Variants in PTPRE observed in about 807,000 individuals in gnomAD.
The protein encoded by PTPRE is receptor-type tyrosine-protein phosphatase epsilon.
A neutral mutation model predicts 102.0 loss-of-function variants in PTPRE; 51 were observed. That is an observed-to-expected ratio of 0.50 (90% CI 0.40 to 0.63). PTPRE has a LOEUF of 0.63. Ranked by LOEUF, PTPRE falls within the 30% of genes least tolerant of loss-of-function variation. The probability of loss-of-function intolerance (pLI) is 0.00; values close to 1 mark genes in which losing one functional copy is unlikely to be tolerated. For synonymous variants in PTPRE, 345 were observed against 348.2 expected (o/e 0.99, Z 0.10); for missense variants, 752 against 915.1 (o/e 0.82, Z 2.30).
chr10:128,061,866 G>A (rs1438490138), intron 9 of PTPRE, 151 bp downstream of exon 9: 19 of 1,028,410 alleles, frequency 1.8e-5, no homozygotes, highest in East Asian at 1.5e-4. Context: ...TTCACACAAC[G>A]GATATGTGTA....
chr10:127,945,595 C>T (rs141443223), intron 1 of PTPRE, among the ~76,000 whole-genome samples: 123 of 152,322 alleles, frequency 8.1e-4, no homozygotes, highest in African/African-American at 2.7e-3. Context: ...ACTGTTATGA[C>T]ATGTTCTCAG....
intron 1 of PTPRE, among the ~76,000 whole-genome samples, chr10:127,959,637 A>G (rs1316181281): frequency 6.6e-6 from 1 of 152,238 alleles, no homozygotes; most frequent in Non-Finnish European, 1.5e-5. Context: ...TTGTGTCCAA[A>G]GCCACACACT....
In PTPRE at chr10:128,040,822, G is replaced by T. The variant is rs1396823114; in HGVS notation, c.-7-53G>T. ...TCATCATCACTGCCTGGCACCGGAGGGTCCCACAGCTGCTGCTGGATGACC... is the reference window on the plus strand; with the variant it reads ...TCATCATCACTGCCTGGCACCGGAGTGTCCCACAGCTGCTGCTGGATGACC... On this transcript the variant is annotated intron_variant, in intron 2 of 20. Coordinates refer to ENST00000254667, the MANE Select transcript of PTPRE (RefSeq NM_006504.6). 2.2e-5 allele frequency: 31 copies of T among 1,426,880 alleles called. No homozygotes were observed. The East Asian group carries it at 6.5e-4, about 30-fold the overall frequency. 88.4% of individuals were successfully genotyped at this position (1,426,880 alleles called of 1,614,324 possible). A position where few individuals can be genotyped will look rare whatever the true frequency, so the allele number is the denominator to read the frequency against.
At chr10:128,020,061 T>TGTGTGTGTGTGCGTGCAC (rs1396583981) in intron 2 of PTPRE, among the ~76,000 whole-genome samples, 5 of 137,268 alleles carry the variant, frequency 3.6e-5, no homozygotes, top group African/African-American at 1.4e-4. Flanking sequence ...CGCGCACGTG[T>TGTGTGTGTGTGCGTGCAC]GTGTGTGTGT....
intron 16 of PTPRE, 144 bp downstream of exon 16, chr10:128,072,358 T>TAA: frequency 4.3e-5 from 29 of 671,040 alleles, no homozygotes; most frequent in South Asian, 4.6e-5. Flanking sequence ...ATTACTTGCT[T>TAA]AAAAAAAAAA....
At chr10:127,978,216 G>A in intron 1 of PTPRE, among the ~76,000 whole-genome samples, 1 of 151,960 alleles carries the variant, frequency 6.6e-6, no homozygotes, top group East Asian at 1.9e-4. Context: ...ATAGACAAAA[G>A]AAGCAAAACA....
chr10:127,907,304 C>G lies in PTPRE; in HGVS notation c.-36C>G. On this transcript the variant is annotated 5_prime_UTR_variant, in exon 1 of 21. Transcript: ENST00000254667. This position sits in a 1 kb window ranked among gnomAD's most constrained non-coding sequence, Gnocchi z 4.8. ...CGATCTGCGCGACCAGACCGGCCCC[C>G]CCGAGGTGAGCGCGCGTGCGGACAG... The G allele has an allele frequency of 1.0e-6, 1 of 984,818 alleles. No individual in the cohort carries two copies. The highest frequency in any genetic ancestry group is 1.2e-6 in the Non-Finnish European group (1 of 829,742). The allele number at this position is 984,818 out of a possible 1,614,324, so 61.0% of individuals were successfully genotyped here. A position where few individuals can be genotyped will look rare whatever the true frequency, so the allele number is the denominator to read the frequency against.
Position 128,008,717 on chromosome 10 carries a change from C to T in PTPRE, c.-8+26421C>T, listed in dbSNP as rs1844723962. Reference sequence around the variant, plus strand: ...TCAAGGATGTAAGAAGTAGGAGACGCAGGATCAGGGGCACAGAGCTGCCAG... The same window carrying T: ...TCAAGGATGTAAGAAGTAGGAGACGTAGGATCAGGGGCACAGAGCTGCCAG... On this transcript the variant is annotated intron_variant, in intron 2 of 20. Transcript: ENST00000254667. The surrounding 1 kb of genome is among the most constrained non-coding windows in gnomAD (Gnocchi z 4.0). Among the ~76,000 whole-genome samples, 1 of 152,194 alleles carries T rather than the reference C, an allele frequency of 6.6e-6. No individual in the cohort carries two copies. Among genetic ancestry groups the T allele is most frequent in the South Asian group, 2.1e-4 (1 of 4,838 alleles).
intron 15 of PTPRE, 119 bp from the exon 16 acceptor site, chr10:128,072,019 T>C: frequency 1.4e-6 from 1 of 704,416 alleles, no homozygotes; most frequent in African/African-American, 1.8e-5. Context: ...TTCCAAAGAG[T>C]TGGCTTTACG....
At chr10:128,080,183 G>A (rs2136083747) in intron 20 of PTPRE, among the ~76,000 whole-genome samples, 1 of 152,318 alleles carries the variant, frequency 6.6e-6, no homozygotes, top group East Asian at 1.9e-4. Context: ...TGTATTAGTA[G>A]TTTTCCCCGT....
intron 2 of PTPRE, among the ~76,000 whole-genome samples, chr10:128,036,864 G>T (rs1405245729): frequency 6.6e-6 from 1 of 152,162 alleles, no homozygotes; most frequent in African/African-American, 2.4e-5. Context: ...ATGGTCCTGA[G>T]ACTCTGCATT....
At chr10:128,081,649 T>C (rs1244020131) in intron 20 of PTPRE, among the ~76,000 whole-genome samples, 1 of 152,250 alleles carries the variant, frequency 6.6e-6, no homozygotes, top group Non-Finnish European at 1.5e-5. Context: ...TGTATATTTA[T>C]TGAGAATTCC....
chr10:128,019,771 G>C (rs186031889), intron 2 of PTPRE, among the ~76,000 whole-genome samples: 1 of 152,324 alleles, frequency 6.6e-6, no homozygotes, highest in Non-Finnish European at 1.5e-5. Context: ...TGGGATGGGA[G>C]GGGGTGCCAG....
intron 1 of PTPRE, among the ~76,000 whole-genome samples, chr10:127,962,480 C>T (rs1849897932): frequency 6.6e-6 from 1 of 152,218 alleles, no homozygotes; most frequent in African/African-American, 2.4e-5. Context: ...ACACAGACCT[C>T]CCCGGGGAAG....
chr10:127,983,585 C>T (rs1851816107), intron 2 of PTPRE, among the ~76,000 whole-genome samples: 1 of 152,184 alleles, frequency 6.6e-6, no homozygotes, highest in South Asian at 2.1e-4. Flanking sequence ...AAAAGCAATG[C>T]AGCTGCGTGC....
At chr10:128,003,873 A>G (rs1564871821) in intron 2 of PTPRE, among the ~76,000 whole-genome samples, 1 of 152,148 alleles carries the variant, frequency 6.6e-6, no homozygotes, top group East Asian at 1.9e-4. Context: ...CAGGGGCCTC[A>G]TGGATGCCCA....
chr10:127,941,076 T>G (rs1481528576), intron 1 of PTPRE, among the ~76,000 whole-genome samples: 3 of 152,218 alleles, frequency 2.0e-5, no homozygotes, highest in African/African-American at 7.2e-5. Flanking sequence ...TCCTGGAGAA[T>G]GATGTGCTAA....
At chr10:128,082,798 T>C (rs200379758) in intron 20 of PTPRE, 34 bp from the exon 21 acceptor site, 221 of 1,531,516 alleles carry the variant, frequency 1.4e-4, no homozygotes, top group Non-Finnish European at 1.4e-4. Flanking sequence ...TTTTTGGGAA[T>C]ATCATTTTAA....
rs1367393058 is a variant in PTPRE, at chr10:127,907,404, C to T, written c.-31+95C>T. 1.1e-5 allele frequency: 10 copies of T among 931,030 alleles called. No homozygotes were observed. The highest frequency in any genetic ancestry group is 1.3e-5 in the Non-Finnish European group (10 of 781,184). 57.7% of individuals were successfully genotyped at this position (931,030 alleles called of 1,614,324 possible). ...GCCGGGGCGCTGCCTCGGCCGCTGC[C>T]GCGGGAGGGAGGGGCCGCTCCGGGG... On this transcript the variant is annotated intron_variant, in intron 1 of 20. Transcript: ENST00000254667. The surrounding 1 kb of genome is among the most constrained non-coding windows in gnomAD (Gnocchi z 4.8).
Sources: gnomAD v4.1 joint callset for allele counts (sites outside exome capture counted in the v4.1 genomes callset) on GRCh38, gnomAD v4.1.1 for gene constraint, Gnocchi (gnomAD v3.1) non-coding constraint, MANE v1.5 for transcripts, NCBI Gene and HGNC (gene_info 2026-07-23, HGNC 2026-07-21) for gene names.